The following SLITRK5 variants were observed in gnomAD, a reference collection of about 807,000 sequenced individuals.
SLITRK5 encodes SLIT and NTRK like family member 5.
SLITRK5 carries 23 observed loss-of-function variants against 56.2 expected under a neutral mutation model. That is an observed-to-expected ratio of 0.41 (90% CI 0.29 to 0.58). SLITRK5 has a LOEUF of 0.58. Ranked by LOEUF, SLITRK5 falls within the 20% of genes least tolerant of loss-of-function variation. SLITRK5 has a pLI of 0.30. For synonymous variants in SLITRK5, 637 were observed against 531.8 expected, an observed-to-expected ratio of 1.20 and a Z score of -2.72; for missense variants, 1,289 against 1,226.6, an observed-to-expected ratio of 1.05 and a Z score of -0.76.
chr13:87,677,596 C>G lies in SLITRK5; in HGVS notation c.2208C>G (p.Pro736=), dbSNP rs755697982. 4 of 1,609,722 alleles carry G rather than the reference C, an allele frequency of 2.5e-6. No homozygotes were observed. The highest frequency in any genetic ancestry group is 2.2e-5 in the East Asian group (1 of 44,668). ...ACGCGCACGTGCATCACCGCGGGCC[C>G]GCGCTGCCCAAGGTGAAGACGCCCG... ...HPHAHVHHRG[P]ALPKVKTPAG... The change falls in exon 2 of 2, where the codon CCC becomes CCG. Residue 736 remains proline, a synonymous_variant. Transcript: ENST00000683689. The surrounding 1 kb of genome is among the most constrained non-coding windows in gnomAD (Gnocchi z 4.7).
rs780486461 is a variant in SLITRK5 at position 87,677,046 on chromosome 13, A to G, written c.1658A>G (p.Lys553Arg). The G allele has an allele frequency of 1.2e-6, 2 of 1,614,092 alleles. No individual in the cohort carries two copies. Among genetic ancestry groups the G allele is most frequent in the Non-Finnish European group, 8.5e-7 (1 of 1,180,000 alleles). The change falls in exon 2 of 2, where the codon AAG becomes AGG. Residue 553 changes from lysine to arginine, a missense_variant. By Grantham distance (26) the Lys-to-Arg change is conservative (BLOSUM62 2). Around this residue, in one of 3 missense-constraint regions of SLITRK5, gnomAD observed 985 missense variants for 906.0 expected, o/e 1.09. Transcript: ENST00000683689. The surrounding 1 kb of genome is among the most constrained non-coding windows in gnomAD (Gnocchi z 4.7). ...GTGAGTGGAGTTTTGGACCAGCTGA[A>G]GTCACTCATCCAAATCGACCTGCAT... Reference protein sequence around the residue: ...LPVSGVLDQLKSLIQIDLHDN... With the variant: ...LPVSGVLDQLRSLIQIDLHDN...
Position 87,678,253 on chromosome 13 carries a change from T to G in SLITRK5, c.2865T>G (p.Phe955Leu), listed in dbSNP as rs776021588. Residue 955 changes from phenylalanine to leucine, a missense_variant, in exon 2 of 2, where the codon TTT (phenylalanine) becomes TTG (leucine). Physicochemically the swap from Phe to Leu is conservative, Grantham distance 22. Transcript: ENST00000683689. The stretch of plus-strand genomic sequence containing the variant: ...AAGTGCTGGAAAAACAGACCACGTT[T>G]AGCCAGTTCTAAAAGCAAAGAAACT... ...YLEVLEKQTT[F>L]SQF is the part of the protein sequence containing the mutation. 6.2e-7 allele frequency: 1 copy of G among 1,606,924 alleles called. No homozygotes were observed. The highest frequency in any genetic ancestry group is 1.1e-5 in the South Asian group (1 of 90,442).
chr13:87,678,327 G>A lies in SLITRK5; in HGVS notation c.*62G>A. ...ACAAACAAGCAAGCAGACACACACA[G>A]TGAACACATTTGATTAATTGTGTTG... is the stretch of plus-strand genomic sequence containing the variant. On this transcript the variant is annotated 3_prime_UTR_variant, in exon 2 of 2. Transcript: ENST00000683689. 2 of 1,417,088 alleles carry A rather than the reference G, an allele frequency of 1.4e-6. No homozygotes were observed. The highest frequency in any genetic ancestry group is 1.9e-4 in the Middle Eastern group (1 of 5,378). 87.8% of individuals were successfully genotyped at this position (1,417,088 alleles called of 1,614,324 possible). A position where few individuals can be genotyped will look rare whatever the true frequency, so the allele number is the denominator to read the frequency against.
Position 87,677,999 on chromosome 13 carries a change from G to C in SLITRK5, c.2611G>C (p.Gly871Arg). 1 of 1,614,110 alleles carries C rather than the reference G, an allele frequency of 6.2e-7. No homozygotes were observed. The highest frequency in any genetic ancestry group is 1.1e-5 in the South Asian group (1 of 91,078). The change falls in exon 2 of 2, where the codon GGC becomes CGC. Residue 871 changes from glycine (G) to arginine (R), a missense_variant. Around this residue, in one of 3 missense-constraint regions of SLITRK5, gnomAD observed 985 missense variants for 906.0 expected, o/e 1.09. Transcript: ENST00000683689. This position sits in a 1 kb window ranked among gnomAD's most constrained non-coding sequence, Gnocchi z 4.7. The part of the protein sequence containing the change: ...PDKHCSTTPA[G>R]NSLPEYPKFP... ...CAAACACTGCTCCACCACCCCCGCC[G>C]GCAATAGCCTCCCGGAATATCCCAA...
At position 87,675,821 on chromosome 13, in the gene SLITRK5, C is replaced by A. The variant is rs1877249573; in HGVS notation, c.433C>A (p.Arg145=). ...HLNNNKLELL[R]DDTFLGLENL... is the part of the protein sequence containing the mutation. The stretch of plus-strand genomic sequence containing the variant: ...AAACAATAATAAACTGGAACTTCTG[C>A]GAGATGATACCTTCCTTGGCTTGGA... The change falls in exon 2 of 2, where the codon CGA becomes AGA. Residue 145 remains arginine (R), a synonymous_variant. Transcript: ENST00000683689. 1.2e-6 allele frequency: 2 copies of A among 1,614,084 alleles called. No individual in the cohort carries two copies. The highest frequency in any genetic ancestry group is 1.3e-5 in the African/African-American group (1 of 74,980).
chr13:87,675,519 A>C lies in SLITRK5; in HGVS notation c.131A>C (p.Tyr44Ser). ...TCGTGTGCAGAAACCATCGATTATT[A>C]TGGGGAAATCTGTGACAATGCATGT... ...VLSCAETIDY[Y>S]GEICDNACPC... The change falls in exon 2 of 2, where the codon TAT (tyrosine) becomes TCT (serine). Residue 44 changes from tyrosine (Y) to serine (S), a missense_variant. Around this residue, in one of 3 missense-constraint regions of SLITRK5, gnomAD observed 291 missense variants for 286.7 expected, o/e 1.02. Coordinates refer to ENST00000683689, the MANE Select transcript of SLITRK5 (RefSeq NM_001384609.1). The C allele has an allele frequency of 6.2e-7, 1 of 1,614,178 alleles. No homozygotes were observed. Among genetic ancestry groups the C allele is most frequent in the Non-Finnish European group, 8.5e-7 (1 of 1,180,040 alleles).
chr13:87,677,763 T>TGCA lies in SLITRK5; in HGVS notation c.2390_2392dup (p.Gln797dup), dbSNP rs769322650. On this transcript the variant is annotated inframe_insertion, in exon 2 of 2. Coordinates refer to ENST00000683689, the MANE Select transcript of SLITRK5 (RefSeq NM_001384609.1). The surrounding 1 kb of genome is among the most constrained non-coding windows in gnomAD (Gnocchi z 4.7). ...GTCACCTACAGCAGCAACCACCACCTGCAGCAGCAGCAGCAGCCGCCGCCG... is the reference window on the plus strand; with the variant it reads ...GTCACCTACAGCAGCAACCACCACCTGCAGCAGCAGCAGCAGCAGCCGCCGCCG... The TGCA allele has an allele frequency of 8.4e-5, 135 of 1,611,862 alleles. No individual in the cohort carries two copies. In the African/African-American group the frequency reaches 1.3e-3, roughly 15 times the overall value.
In SLITRK5 at chr13:87,678,243, A is replaced by G; in HGVS notation, c.2855A>G (p.Gln952Arg). The G allele has an allele frequency of 6.2e-7, 1 of 1,612,844 alleles. No homozygotes were observed. The highest frequency in any genetic ancestry group is 8.5e-7 in the Non-Finnish European group (1 of 1,179,342). Residue 952 changes from glutamine to arginine, a missense_variant, in exon 2 of 2, where the codon CAG (glutamine) becomes CGG (arginine). This residue lies in a region of SLITRK5 where 985 missense variants were observed against 906.0 expected (regional missense o/e 1.09). Transcript: ENST00000683689. ...GACTACCTCGAAGTGCTGGAAAAAC[A>G]GACCACGTTTAGCCAGTTCTAAAAG... ...EPDYLEVLEK[Q>R]TTFSQF
chr13:87,675,354 T>C (rs201656699), intron 1 of SLITRK5, 27 bp from the exon 2 acceptor site: 1,508 of 1,555,808 alleles, frequency 9.7e-4, no homozygotes, highest in Non-Finnish European at 1.2e-3. Flanking sequence ...TATTCTGTTA[T>C]TTCCTTGTTT....
At position 87,678,349 on chromosome 13, in the gene SLITRK5, GTTGT is replaced by G; in HGVS notation, c.*87_*90del. ...ACAGTGAACACATTTGATTAATTGT[GTTGT>G]TTCAACGTTTAGGGTGAAGTGCCTT... is the stretch of plus-strand genomic sequence containing the variant. On this transcript the variant is annotated 3_prime_UTR_variant, in exon 2 of 2. Coordinates refer to ENST00000683689, the MANE Select transcript of SLITRK5 (RefSeq NM_001384609.1). 1 of 1,334,658 alleles carries G rather than the reference GTTGT, an allele frequency of 7.5e-7. No individual in the cohort carries two copies. The highest frequency in any genetic ancestry group is 1.0e-6 in the Non-Finnish European group (1 of 967,994). The allele number at this position is 1,334,658 out of a possible 1,614,324, so 82.7% of individuals were successfully genotyped here.
Position 87,677,537 on chromosome 13 carries a change from T to TACGGCG in SLITRK5, c.2150_2155dup (p.Gly718_Gly719insAspGly). 6.2e-7 allele frequency: 1 copy of TACGGCG among 1,608,624 alleles called. No individual in the cohort carries two copies. Among genetic ancestry groups the TACGGCG allele is most frequent in the Non-Finnish European group, 8.5e-7 (1 of 1,176,764 alleles). On this transcript the variant is annotated inframe_insertion, in exon 2 of 2. Transcript: ENST00000683689. This position sits in a 1 kb window ranked among gnomAD's most constrained non-coding sequence, Gnocchi z 4.7. ...CTCCTTTAACATGCAGTACAGCGTGTACGGCGGCGGCGGCGGCACGGGCGG... is the reference window on the plus strand; with the variant it reads ...CTCCTTTAACATGCAGTACAGCGTGTACGGCGACGGCGGCGGCGGCGGCACGGGCGG...
At chr13:87,672,824 G>A (rs1877092702) in intron 1 of SLITRK5, 1 of 158,002 alleles carries the variant, frequency 6.3e-6, no homozygotes, top group Non-Finnish European at 1.4e-5. Context: ...ATGTGAGACT[G>A]GGTAAGTCTA....
In SLITRK5 at chr13:87,675,423, A is replaced by T. The variant is rs1200834675; in HGVS notation, c.35A>T (p.Gln12Leu). ...HTCCPPVTLE[Q>L]DLHRKMHSWM... The stretch of plus-strand genomic sequence containing the variant: ...TGCTGCCCCCCAGTAACTTTGGAAC[A>T]GGACCTTCACAGAAAAATGCATAGC... The change falls in exon 2 of 2, where the codon CAG (glutamine) becomes CTG (leucine). Residue 12 changes from glutamine (Q) to leucine (L), a missense_variant. Gln to Leu is a moderately radical substitution (Grantham distance 113, BLOSUM62 -2). This residue lies in a region of SLITRK5 where 291 missense variants were observed against 286.7 expected (regional missense o/e 1.02). Coordinates refer to ENST00000683689, the MANE Select transcript of SLITRK5 (RefSeq NM_001384609.1). The T allele has an allele frequency of 4.3e-6, 7 of 1,614,100 alleles. No homozygotes were observed. The highest frequency in any genetic ancestry group is 4.2e-6 in the Non-Finnish European group (5 of 1,180,034).
At position 87,678,019 on chromosome 13, in the gene SLITRK5, TCCCAAATTCCCGTGCAG is replaced by T; in HGVS notation, c.2635_2651del (p.Lys879ArgfsTer10). On this transcript the variant is annotated frameshift_variant, in exon 2 of 2. Coordinates refer to ENST00000683689, the MANE Select transcript of SLITRK5 (RefSeq NM_001384609.1). ...CCGCCGGCAATAGCCTCCCGGAATA[TCCCAAATTCCCGTGCAG>T]CCCCGCTGCTTACACTTTCTCCCCC... The T allele has an allele frequency of 6.2e-7, 1 of 1,614,044 alleles. No individual in the cohort carries two copies. The highest frequency in any genetic ancestry group is 8.5e-7 in the Non-Finnish European group (1 of 1,179,976).
In SLITRK5 at chr13:87,676,675, C is replaced by T; in HGVS notation, c.1287C>T (p.Phe429=). ...NYIAVVRRTD[F]LEATGLDLLH... The stretch of plus-strand genomic sequence containing the variant: ...TCGCTGTCGTGCGCAGGACAGACTT[C>T]CTGGAGGCCACGGGGCTGGACCTCC... The change falls in exon 2 of 2, where the codon TTC becomes TTT. Residue 429 remains phenylalanine (F), a synonymous_variant. Coordinates refer to ENST00000683689, the MANE Select transcript of SLITRK5 (RefSeq NM_001384609.1). 1 of 1,614,058 alleles carries T rather than the reference C, an allele frequency of 6.2e-7. No homozygotes were observed. Among genetic ancestry groups the T allele is most frequent in the Non-Finnish European group, 8.5e-7 (1 of 1,180,038 alleles).
In SLITRK5 at chr13:87,676,464, GC is replaced by G; in HGVS notation, c.1080del (p.Ser361AlafsTer31). 1 of 1,614,034 alleles carries G rather than the reference GC, an allele frequency of 6.2e-7. No homozygotes were observed. The highest frequency in any genetic ancestry group is 8.5e-7 in the Non-Finnish European group (1 of 1,180,002). ...AAGGACTTGGGCTACAGCAACTATG[GC>G]CCCAGCATCGCCTATCAGACCAAAT... ...PSKDLGYSNY[G>X]PSIAYQTKSP... On this transcript the variant is annotated frameshift_variant, in exon 2 of 2. Coordinates refer to ENST00000683689, the MANE Select transcript of SLITRK5 (RefSeq NM_001384609.1). LOFTEE classifies it high-confidence loss of function.
chr13:87,675,980 C>T lies in SLITRK5; in HGVS notation c.592C>T (p.Arg198Cys), dbSNP rs143891134. ...GTCCAGTTTACCCAACAATCTTTTC[C>T]GTTTTGTGCCCTTAACGCACTTGGA... is the stretch of plus-strand genomic sequence containing the variant. ...LLSSLPNNLF[R>C]FVPLTHLDLR... Residue 198 changes from arginine to cysteine, a missense_variant, in exon 2 of 2, where the codon CGT (arginine) becomes TGT (cysteine). Arg to Cys is a radical substitution (Grantham distance 180, BLOSUM62 -3). Around this residue, in one of 3 missense-constraint regions of SLITRK5, gnomAD observed 291 missense variants for 286.7 expected, o/e 1.02. Transcript: ENST00000683689. 2.9e-5 allele frequency: 47 copies of T among 1,614,110 alleles called. 1 individual carries two copies. Among genetic ancestry groups the T allele is most frequent in the East Asian group, 2.5e-4 (11 of 44,838 alleles).
intron 1 of SLITRK5, chr13:87,673,632 C>G: frequency 1.4e-6 from 1 of 692,568 alleles, no homozygotes; most frequent in South Asian, 1.4e-5. Context: ...AGCCGGGAGA[C>G]GTTTACCGTT....
In SLITRK5 at chr13:87,671,448, T is replaced by G. The variant is rs1344517048; in HGVS notation, c.-770T>G. On this transcript the variant is annotated 5_prime_UTR_variant, in exon 1 of 2. Transcript: ENST00000683689. ...CACCAGAGGCGCGACAATAAACAAG[T>G]GCACTGGACTGGGCCCTGCACCCGC... 6.6e-6 allele frequency among the ~76,000 whole-genome samples: 1 copy of G among 151,970 alleles called. No individual in the cohort carries two copies. The highest frequency in any genetic ancestry group is 1.5e-5 in the Non-Finnish European group (1 of 67,988).
Sources: gnomAD v4.1 joint callset for allele counts (sites outside exome capture counted in the v4.1 genomes callset) on GRCh38, gnomAD v4.1.1 for gene constraint, gnomAD v4.1.1 regional missense constraint, Gnocchi (gnomAD v3.1) non-coding constraint, MANE v1.5 for transcripts, NCBI Gene and HGNC (gene_info 2026-07-23, HGNC 2026-07-21) for gene names.